BFSP1: variants seen among roughly 807,000 people sequenced by gnomAD.
The protein encoded by BFSP1 is filensin.
In BFSP1, 38 loss-of-function variants were observed where a neutral mutation model predicts 43.9. The observed-to-expected ratio is 0.87, with a 90% CI of 0.67 to 1.14. The LOEUF is 1.14. BFSP1 is among the 50% of genes most tolerant of loss of function. The pLI, the probability that BFSP1 is intolerant of heterozygous loss-of-function variation, is 0.00. For synonymous variants in BFSP1, 352 were observed against 354.8 expected (o/e 0.99, Z 0.09); for missense variants, 850 against 875.1 (o/e 0.97, Z 0.36).
intron 5 of BFSP1, among the ~76,000 whole-genome samples, chr20:17,504,721 T>A (rs6075218): frequency 8.6e-5 from 13 of 152,012 alleles, no homozygotes; most frequent in Non-Finnish European, 1.9e-4. Context: ...CAACCTGAAC[T>A]TTATCCGGAG....
intron 1 of BFSP1, among the ~76,000 whole-genome samples, chr20:17,537,568 C>CAAAAAAAAAA (rs901895418): frequency 6.3e-5 from 4 of 63,818 alleles, no homozygotes; most frequent in Non-Finnish European, 9.7e-5. Flanking sequence ...ACTGAAGCAC[C>CAAAAAAAAAA]AAAAAAAAAA....
chr20:17,559,092 C>CCGAG, upstream of BFSP1: 1 of 180,392 alleles, frequency 5.5e-6, no homozygotes, highest in Non-Finnish European at 1.2e-5. Flanking sequence ...TTGTTTGCCT[C>CCGAG]ATTTACACGT....
chr20:17,504,069 C>T (rs1217128171), intron 5 of BFSP1, among the ~76,000 whole-genome samples: 3 of 152,042 alleles, frequency 2.0e-5, no homozygotes, highest in Non-Finnish European at 2.9e-5. Context: ...CTTGGGTGTG[C>T]ATTTGTGTTT....
chr20:17,553,009 G>A (rs1326801766), intron 1 of BFSP1, among the ~76,000 whole-genome samples: 1 of 152,208 alleles, frequency 6.6e-6, no homozygotes. Flanking sequence ...GGGAATTAGT[G>A]CAGAGAGTAA....
chr20:17,556,855 T>C (rs182973132), intron 1 of BFSP1, among the ~76,000 whole-genome samples: 34 of 152,330 alleles, frequency 2.2e-4, no homozygotes, highest in African/African-American at 4.3e-4. Context: ...TCAACATTTT[T>C]TTCCCCTGAT....
chr20:17,494,806 C>G lies in BFSP1; in HGVS notation c.1266G>C (p.Leu422=), dbSNP rs1175323759. 2 of 1,614,216 alleles carry G rather than the reference C, an allele frequency of 1.2e-6. No individual in the cohort carries two copies. The highest frequency in any genetic ancestry group is 1.7e-6 in the Non-Finnish European group (2 of 1,180,038). ...FESESKEVSP[L]TQEGAPEDVP... ...CATCCTCTGGAGCCCCTTCTTGTGT[C>G]AGGGGACTTACTTCTTTACTTTCTG... Residue 422 remains leucine (L), a synonymous_variant, in exon 8 of 8, where the codon CTG becomes CTC. Transcript: ENST00000377873.
intron 1 of BFSP1, among the ~76,000 whole-genome samples, chr20:17,527,782 G>T (rs191281723): frequency 6.6e-6 from 1 of 152,080 alleles, no homozygotes; most frequent in African/African-American, 2.4e-5. Flanking sequence ...TCACTACAAA[G>T]AATTCATGAT....
chr20:17,568,679 G>T (rs1390645131), intron 1 of BFSP1, among the ~76,000 whole-genome samples: 2 of 152,066 alleles, frequency 1.3e-5, no homozygotes, highest in Non-Finnish European at 2.9e-5. Flanking sequence ...GTCTCAGGTG[G>T]TAAAGGCTTA....
At chr20:17,542,234 G>C (rs182476615) in intron 1 of BFSP1, among the ~76,000 whole-genome samples, 1 of 150,720 alleles carries the variant, frequency 6.6e-6, no homozygotes, top group African/African-American at 2.4e-5. Flanking sequence ...AATTGGAAAC[G>C]GTGAGAGTAT....
intron 1 of BFSP1, among the ~76,000 whole-genome samples, chr20:17,545,895 G>A (rs1305429818): frequency 6.6e-6 from 1 of 152,186 alleles, no homozygotes; most frequent in East Asian, 1.9e-4. Context: ...GACCCCATAT[G>A]AGAAAAACTT....
intron 3 of BFSP1, among the ~76,000 whole-genome samples, chr20:17,513,938 C>A (rs936416722): frequency 1.4e-4 from 22 of 152,322 alleles, no homozygotes; most frequent in African/African-American, 5.3e-4. Context: ...TGTTTATACA[C>A]CAACTCCCAT....
chr20:17,550,837 G>A (rs778568639), intron 1 of BFSP1, among the ~76,000 whole-genome samples: 5 of 152,148 alleles, frequency 3.3e-5, no homozygotes, highest in Non-Finnish European at 7.3e-5. Context: ...ATTTTTTTCT[G>A]TCATAGTTTA....
chr20:17,556,797 G>A (rs1016562693), intron 1 of BFSP1, among the ~76,000 whole-genome samples: 1 of 152,138 alleles, frequency 6.6e-6, no homozygotes, highest in African/African-American at 2.4e-5. Context: ...ATATAAATAT[G>A]TGGCAGGAAA....
At chr20:17,558,402 G>A (rs779121203) in intron 1 of BFSP1, among the ~76,000 whole-genome samples, 20 of 152,262 alleles carry the variant, frequency 1.3e-4, no homozygotes, top group Non-Finnish European at 1.9e-4. Flanking sequence ...CAGGCCTTGC[G>A]TGCTGCTCTT....
intron 1 of BFSP1, among the ~76,000 whole-genome samples, chr20:17,556,172 TC>T (rs1354722225): frequency 3.9e-5 from 6 of 152,124 alleles, no homozygotes; most frequent in African/African-American, 1.4e-4. Context: ...CCAAATGAAA[TC>T]TTGGTGGTAG....
Position 17,523,944 on chromosome 20 carries a change from T to C in BFSP1, c.438+904A>G, listed in dbSNP as rs139675530. 5.8e-3 allele frequency among the ~76,000 whole-genome samples: 887 copies of C among 152,100 alleles called. 8 individuals are homozygous for C. Among genetic ancestry groups the C allele is most frequent in the African/African-American group, 0.02 (834 of 41,464 alleles). On this transcript the variant is annotated intron_variant, in intron 2 of 7. Transcript: ENST00000377873. The stretch of plus-strand genomic sequence containing the variant: ...TCCAAAGAGGCTGCTTGGAGTTCCA[T>C]GTGGCAAAGAAGCCTAAAGCATACC...
chr20:17,545,492 C>T (rs1283723555), intron 1 of BFSP1, among the ~76,000 whole-genome samples: 2 of 152,234 alleles, frequency 1.3e-5, no homozygotes, highest in African/African-American at 4.8e-5. Flanking sequence ...GGCACGGTGG[C>T]TTATGCCTGT....
At chr20:17,499,440 T>A (rs867580947) in intron 5 of BFSP1, among the ~76,000 whole-genome samples, 91 of 122,962 alleles carry the variant, frequency 7.4e-4, no homozygotes, top group Non-Finnish European at 9.2e-4. Context: ...AGTGATAGGG[T>A]CCCACTTCGT....
intron 1 of BFSP1, among the ~76,000 whole-genome samples, chr20:17,527,723 G>A (rs906399662): frequency 6.9e-6 from 1 of 145,930 alleles, no homozygotes; most frequent in Admixed American, 7.1e-5. Context: ...GCGAGACTCT[G>A]TATCAAAAAA....
Sources: allele counts gnomAD v4.1 joint callset (sites outside exome capture counted in the v4.1 genomes callset), GRCh38; gene constraint gnomAD v4.1.1; transcripts MANE v1.5; gene names NCBI Gene and HGNC (gene_info 2026-07-23, HGNC 2026-07-21).